Variants in GORAB observed in about 807,000 individuals in gnomAD.
GORAB encodes golgin, RAB6 interacting.
In GORAB, 17 loss-of-function variants were observed where a neutral mutation model predicts 29.9. The observed-to-expected ratio is 0.57, with a 90% CI of 0.39 to 0.85. The LOEUF (loss-of-function observed/expected upper bound fraction) is 0.85, where lower values mean the gene tolerates loss of function less well. Among genes scored for constraint, GORAB ranks in the 40% least tolerant of loss-of-function variants. The probability of loss-of-function intolerance (pLI) is 0.00; values close to 1 mark genes in which losing one functional copy is unlikely to be tolerated. For missense variants in GORAB, 442 were observed against 437.8 expected (o/e 1.01, Z -0.09); for synonymous variants, 183 against 157.2 (o/e 1.16, Z -1.23).
intron 4 of GORAB, among the ~76,000 whole-genome samples, chr1:170,549,618 CTT>C (rs1482648219): frequency 6.6e-6 from 1 of 152,048 alleles, no homozygotes; most frequent in African/African-American, 2.4e-5. Context: ...TGTCAGAACT[CTT>C]GTCTTGTTGC....
intron 4 of GORAB, among the ~76,000 whole-genome samples, chr1:170,547,634 C>T (rs896078514): frequency 6.6e-6 from 1 of 152,150 alleles, no homozygotes; most frequent in Non-Finnish European, 1.5e-5. Context: ...TTTTAAATCA[C>T]TTTATGAGTA....
intron 3 of GORAB, among the ~76,000 whole-genome samples, chr1:170,543,116 A>C (rs1045349358): frequency 2.0e-5 from 3 of 152,192 alleles, no homozygotes; most frequent in Non-Finnish European, 4.4e-5. Flanking sequence ...CAGGGTCATT[A>C]TTATGAGCAC....
At chr1:170,549,296 T>A (rs1263403817) in intron 4 of GORAB, among the ~76,000 whole-genome samples, 2 of 152,208 alleles carry the variant, frequency 1.3e-5, no homozygotes, top group Non-Finnish European at 2.9e-5. Flanking sequence ...CATAGGCTGG[T>A]AGTGCAGTTT....
intron 1 of GORAB, among the ~76,000 whole-genome samples, chr1:170,538,465 G>T (rs751892893): frequency 2.6e-4 from 40 of 152,086 alleles, no homozygotes; most frequent in Non-Finnish European, 4.1e-4. Context: ...GTTAACACTG[G>T]CATGGACAGT....
intron 3 of GORAB, among the ~76,000 whole-genome samples, chr1:170,543,456 TAA>T (rs1050495810): frequency 6.6e-6 from 1 of 152,162 alleles, no homozygotes; most frequent in African/African-American, 2.4e-5. Context: ...GTGATGGGTA[TAA>T]GAGTAGTTCA....
chr1:170,546,673 A>G (rs1467247560), intron 4 of GORAB, among the ~76,000 whole-genome samples: 1 of 152,022 alleles, frequency 6.6e-6, no homozygotes, highest in Non-Finnish European at 1.5e-5. Flanking sequence ...GTTGTGTGCC[A>G]CTATTTTTGT....
In GORAB at chr1:170,552,449, C is replaced by T; in HGVS notation, c.1097C>T (p.Ala366Val). 1 of 1,613,658 alleles carries T rather than the reference C, an allele frequency of 6.2e-7. No individual in the cohort carries two copies. ...PNQEGNDISA[A>V]LAT is the part of the protein sequence containing the mutation. ...CAAGAAGGTAATGACATTTCAGCTGCTTTGGCCACATGAAGTTCTGGTATT... is the reference window on the plus strand; with the variant it reads ...CAAGAAGGTAATGACATTTCAGCTGTTTTGGCCACATGAAGTTCTGGTATT... Residue 366 changes from alanine (A) to valine (V), a missense_variant, in exon 5 of 5, where the codon GCT (alanine) becomes GTT (valine). By Grantham distance (64) the Ala-to-Val change is moderately conservative (BLOSUM62 0). Coordinates refer to ENST00000367763, the MANE Select transcript of GORAB (RefSeq NM_152281.3).
At chr1:170,541,074 C>T (rs1224953501) in intron 2 of GORAB, among the ~76,000 whole-genome samples, 1 of 151,920 alleles carries the variant, frequency 6.6e-6, no homozygotes, top group Non-Finnish European at 1.5e-5. Context: ...CGTGGTGGTG[C>T]ATGCCTGTAG....
Position 170,552,488 on chromosome 1 carries a change from A to G in GORAB, c.*26A>G, listed in dbSNP as rs765839915. ...AGTTCTGGTATTCTTTTGAGCTAAT[A>G]TGGTATTGAGTAAAGTATACTTTTT... On this transcript the variant is annotated 3_prime_UTR_variant, in exon 5 of 5. Coordinates refer to ENST00000367763, the MANE Select transcript of GORAB (RefSeq NM_152281.3). 5 of 1,583,954 alleles carry G rather than the reference A, an allele frequency of 3.2e-6. No individual in the cohort carries two copies. The highest frequency in any genetic ancestry group is 1.3e-5 in the African/African-American group (1 of 74,450).
At chr1:170,544,868 G>T in intron 4 of GORAB, 23 bp downstream of exon 4, 1 of 1,597,954 alleles carries the variant, frequency 6.3e-7, no homozygotes, top group Non-Finnish European at 8.6e-7. Flanking sequence ...AATTGAATCT[G>T]AACAAGGAGT....
At chr1:170,533,889 T>A (rs555262836) in intron 1 of GORAB, among the ~76,000 whole-genome samples, 35 of 152,254 alleles carry the variant, frequency 2.3e-4, no homozygotes, top group African/African-American at 8.4e-4. Flanking sequence ...AACTTCCAGC[T>A]CTTCCTCTAA....
intron 4 of GORAB, chr1:170,545,274 C>T (rs1310396498): frequency 4.1e-6 from 4 of 985,756 alleles, no homozygotes; most frequent in Non-Finnish European, 4.8e-6. Context: ...AAGTCTAGTC[C>T]TCACTTTAGC....
chr1:170,540,768 A>C (rs1649366317), intron 2 of GORAB, among the ~76,000 whole-genome samples: 1 of 152,196 alleles, frequency 6.6e-6, no homozygotes, highest in African/African-American at 2.4e-5. Flanking sequence ...TGTAACCTCA[A>C]ACCATTCACG....
At chr1:170,537,274 T>A (rs1028156984) in intron 1 of GORAB, among the ~76,000 whole-genome samples, 18 of 152,186 alleles carry the variant, frequency 1.2e-4, no homozygotes, top group Non-Finnish European at 1.5e-4. Context: ...TGTACTAGGT[T>A]AGCCATTGCA....
At chr1:170,535,053 G>T (rs12097444) in intron 1 of GORAB, among the ~76,000 whole-genome samples, 1 of 152,092 alleles carries the variant, frequency 6.6e-6, no homozygotes, top group South Asian at 2.1e-4. Flanking sequence ...CAGTCACTCC[G>T]TTTTTTGGTG....
chr1:170,542,332 G>A (rs574563732), intron 2 of GORAB, among the ~76,000 whole-genome samples, 159 bp from the exon 3 acceptor site: 45 of 152,246 alleles, frequency 3.0e-4, no homozygotes, highest in African/African-American at 9.6e-4. Context: ...ATAATGAACT[G>A]CAGATGGGTT....
In GORAB at chr1:170,552,674, G is replaced by A. The variant is rs753591216; in HGVS notation, c.*212G>A. On this transcript the variant is annotated 3_prime_UTR_variant, in exon 5 of 5. Transcript: ENST00000367763. ...GTATGTTTCACCTTGATTTTGGCCC[G>A]GTTCTTTCAGTGTTCCGTTTACCCT... is the stretch of plus-strand genomic sequence containing the variant. The A allele has an allele frequency of 5.7e-5, 35 of 608,832 alleles. No homozygotes were observed. The highest frequency in any genetic ancestry group is 4.7e-4 in the South Asian group (31 of 65,886). The allele number at this position is 608,832 out of a possible 1,614,324, so 37.7% of individuals were successfully genotyped here. A position where few individuals can be genotyped will look rare whatever the true frequency, so the allele number is the denominator to read the frequency against.
intron 1 of GORAB, chr1:170,536,404 A>G (rs1014176781): frequency 6.6e-6 from 1 of 152,224 alleles, no homozygotes; most frequent in Admixed American, 6.5e-5. Context: ...GAGAATTACA[A>G]ATCAAGAATA....
intron 4 of GORAB, chr1:170,545,693 C>G: frequency 1.0e-6 from 1 of 983,900 alleles, no homozygotes; most frequent in Non-Finnish European, 1.2e-6. Context: ...CCTCATTAGG[C>G]CAGGGTAAAC....
Sources: gnomAD v4.1 joint callset for allele counts (sites outside exome capture counted in the v4.1 genomes callset) on GRCh38, gnomAD v4.1.1 for gene constraint, MANE v1.5 for transcripts, NCBI Gene and HGNC (gene_info 2026-07-23, HGNC 2026-07-21) for gene names.